Variants in ENAM observed in about 807,000 individuals in gnomAD.
ENAM encodes the protein enamelin, also known as amelogenesis imperfecta 2, hypocalcification (autosomal dominant).
A neutral mutation model predicts 33.6 loss-of-function variants in ENAM; 21 were observed. The observed-to-expected ratio is 0.63, with a 90% CI of 0.44 to 0.90. The LOEUF (loss-of-function observed/expected upper bound fraction) is 0.90, where lower values mean the gene tolerates loss of function less well. Among genes scored for constraint, ENAM ranks in the 40% least tolerant of loss-of-function variants. ENAM has a pLI of 0.00. For synonymous variants in ENAM, 473 were observed against 468.4 expected (o/e 1.01, Z -0.13); for missense variants, 1,388 against 1,366.9 (o/e 1.02, Z -0.24).
In ENAM at chr4:70,643,319, G is replaced by A. The variant is rs143023982; in HGVS notation, c.1893G>A (p.Gly631=). ...GAGATGATTCTCCCAATACTATGGG[G>A]CAAAAAGAAAGTCCACTCTACCCCA... ...DERDDSPNTM[G]QKESPLYPIN... is the part of the protein sequence containing the mutation. Residue 631 remains glycine, a synonymous_variant, in exon 9 of 9, where the codon GGG becomes GGA. Transcript: ENST00000396073. 1.0e-4 allele frequency: 164 copies of A among 1,613,550 alleles called. No individual in the cohort carries two copies. Among genetic ancestry groups the A allele is most frequent in the Non-Finnish European group, 1.2e-4 (145 of 1,179,862 alleles).
chr4:70,637,519 G>C (rs544601850), intron 7 of ENAM: 7 of 464,024 alleles, frequency 1.5e-5, no homozygotes, highest in Non-Finnish European at 2.7e-5. Flanking sequence ...AGGTGGTAAG[G>C]AGGATTGCCA....
chr4:70,634,730 T>G (rs1477252402), intron 6 of ENAM, among the ~76,000 whole-genome samples, 162 bp downstream of exon 6: 1 of 152,200 alleles, frequency 6.6e-6, no homozygotes, highest in Non-Finnish European at 1.5e-5. Flanking sequence ...ACTCCAATCT[T>G]GTTTGGTTGA....
intron 5 of ENAM, among the ~76,000 whole-genome samples, chr4:70,633,454 C>T (rs1738374266): frequency 6.6e-6 from 1 of 152,050 alleles, no homozygotes; most frequent in Non-Finnish European, 1.5e-5. Context: ...GAAATTTTTA[C>T]CAACTTAGTT....
rs1738727812 is a variant in ENAM, at chr4:70,645,207, T to C, written c.*352T>C. 4.5e-6 allele frequency: 2 copies of C among 445,064 alleles called. No individual in the cohort carries two copies. The highest frequency in any genetic ancestry group is 3.3e-5 in the South Asian group (1 of 30,256). 27.6% of individuals were successfully genotyped at this position (445,064 alleles called of 1,614,324 possible). On this transcript the variant is annotated 3_prime_UTR_variant, in exon 9 of 9. Transcript: ENST00000396073. ...ACTTGCAAAATTGGTTTTTCAAGAC[T>C]GAAAGGCAGATTAACTTTCCATTCT...
At chr4:70,640,749 A>G (rs1738576197) in intron 8 of ENAM, among the ~76,000 whole-genome samples, 1 of 152,144 alleles carries the variant, frequency 6.6e-6, no homozygotes, top group Non-Finnish European at 1.5e-5. Context: ...TAGTACTAAT[A>G]CTGGTGGAAC....
At position 70,642,216 on chromosome 4, in the gene ENAM, G is replaced by A. The variant is rs758941328; in HGVS notation, c.790G>A (p.Gly264Arg). Residue 264 changes from glycine (G) to arginine (R), a missense_variant, in exon 9 of 9, where the codon GGA (glycine) becomes AGA (arginine). By Grantham distance (125) the Gly-to-Arg change is moderately radical. Coordinates refer to ENST00000396073, the MANE Select transcript of ENAM (RefSeq NM_031889.3). Reference sequence around the variant, plus strand: ...ACCAAATCCTAAAGGGAGTCAGGGAGGAAATGACACCAGCCCCACAGGAAA... The same window carrying A: ...ACCAAATCCTAAAGGGAGTCAGGGAAGAAATGACACCAGCCCCACAGGAAA... ...TQPNPKGSQG[G>R]NDTSPTGNST... 3 of 1,614,076 alleles carry A rather than the reference G, an allele frequency of 1.9e-6. No individual in the cohort carries two copies. The South Asian group carries it at 3.3e-5, about 18-fold the overall frequency.
intron 7 of ENAM, among the ~76,000 whole-genome samples, chr4:70,637,327 C>G (rs1270636620): frequency 1.3e-5 from 2 of 152,010 alleles, no homozygotes; most frequent in East Asian, 3.9e-4. Context: ...GGAGTTTGTC[C>G]CCCTAAACAT....
intron 2 of ENAM, among the ~76,000 whole-genome samples, chr4:70,630,252 T>C (rs190082966): frequency 6.6e-6 from 1 of 152,288 alleles, no homozygotes; most frequent in East Asian, 1.9e-4. Context: ...ATTATAAAAA[T>C]GCTAAAGCGT....
chr4:70,638,540 C>T (rs1408510311), intron 8 of ENAM, among the ~76,000 whole-genome samples: 1 of 143,960 alleles, frequency 6.9e-6, no homozygotes, highest in Non-Finnish European at 1.5e-5. Context: ...AGCACCACTG[C>T]ACTCCAGCCT....
intron 6 of ENAM, among the ~76,000 whole-genome samples, chr4:70,635,334 G>A (rs1163044253): frequency 2.0e-5 from 3 of 152,142 alleles, no homozygotes; most frequent in Non-Finnish European, 4.4e-5. Flanking sequence ...CCAAGATCAC[G>A]CCACTGCACT....
At position 70,646,155 on chromosome 4, in the gene ENAM, T is replaced by A. The variant is rs1738756593; in HGVS notation, c.*1300T>A. 6.6e-6 allele frequency: 1 copy of A among 151,888 alleles called. No individual in the cohort carries two copies. Among genetic ancestry groups the A allele is most frequent in the African/African-American group, 2.4e-5 (1 of 41,388 alleles). 9.4% of individuals were successfully genotyped at this position (151,888 alleles called of 1,614,324 possible). A position where few individuals can be genotyped will look rare whatever the true frequency, so the allele number is the denominator to read the frequency against. On this transcript the variant is annotated 3_prime_UTR_variant, in exon 9 of 9. Transcript: ENST00000396073. ...TCCATGCAGAATTACTTACAGACAC[T>A]CTTTCTTGGTATCTTGAATAAATTG...
Position 70,643,326 on chromosome 4 carries a change from G to T in ENAM, c.1900G>T (p.Glu634Ter), listed in dbSNP as rs1179022101. 1 of 1,613,886 alleles carries T rather than the reference G, an allele frequency of 6.2e-7. No individual in the cohort carries two copies. Among genetic ancestry groups the T allele is most frequent in the Admixed American group, 1.7e-5 (1 of 59,992 alleles). The change falls in exon 9 of 9, where the codon GAA (glutamate) becomes TAA (stop). Residue 634 changes from glutamate (E) to a stop codon, truncating the protein, a stop_gained. Coordinates refer to ENST00000396073, the MANE Select transcript of ENAM (RefSeq NM_031889.3). LOFTEE classifies it low-confidence loss of function (END_TRUNC). ...DDSPNTMGQK[E>*]SPLYPINTPD... is the part of the protein sequence containing the mutation. ...TTCTCCCAATACTATGGGGCAAAAA[G>T]AAAGTCCACTCTACCCCATAAATAC... is the stretch of plus-strand genomic sequence containing the variant.
At chr4:70,639,464 C>T (rs1480074904) in intron 8 of ENAM, among the ~76,000 whole-genome samples, 2 of 152,002 alleles carry the variant, frequency 1.3e-5, no homozygotes, top group African/African-American at 2.4e-5. Context: ...GTGGTGCTGG[C>T]CTGTAATCCC....
At chr4:70,636,948 A>G (rs1190821358) in intron 7 of ENAM, among the ~76,000 whole-genome samples, 1 of 152,248 alleles carries the variant, frequency 6.6e-6, no homozygotes, top group African/African-American at 2.4e-5. Flanking sequence ...GCTGCTAAAC[A>G]AACAAAACAA....
Position 70,644,826 on chromosome 4 carries a change from G to A in ENAM, c.3400G>A (p.Val1134Ile). 4 of 1,614,010 alleles carry A rather than the reference G, an allele frequency of 2.5e-6. No homozygotes were observed. The highest frequency in any genetic ancestry group is 3.4e-6 in the Non-Finnish European group (4 of 1,179,916). The change falls in exon 9 of 9, where the codon GTA becomes ATA. Residue 1134 changes from valine to isoleucine, a missense_variant. By Grantham distance (29) the Val-to-Ile change is conservative. Coordinates refer to ENST00000396073, the MANE Select transcript of ENAM (RefSeq NM_031889.3). The stretch of plus-strand genomic sequence containing the variant: ...AAGAGGGACCAATGTACAGGACCAG[G>A]TACAAGACTGCTTACTACTTCAGGC... ...LQRGTNVQDQVQDCLLLQA is the reference protein window; with the variant it reads ...LQRGTNVQDQIQDCLLLQA
chr4:70,632,941 G>A (rs1166338216), intron 5 of ENAM, among the ~76,000 whole-genome samples: 1 of 151,990 alleles, frequency 6.6e-6, no homozygotes, highest in Non-Finnish European at 1.5e-5. Flanking sequence ...ATTTGAGACT[G>A]AGTCTCAAAT....
Position 70,631,681 on chromosome 4 carries a change from C to G in ENAM, c.66C>G (p.Gly22=). Residue 22 remains glycine (G), a synonymous_variant, in exon 3 of 9, where the codon GGC becomes GGG. Transcript: ENST00000396073. The part of the protein sequence containing the change: ...FPKLDNLVPK[G]KMKILLVFLG... ...ATTTTTTATTCTAGGTACCAAAAGG[C>G]AAAATGAAGATTCTCCTGGTCTTTC... The G allele has an allele frequency of 6.2e-7, 1 of 1,612,714 alleles. No individual in the cohort carries two copies. Among genetic ancestry groups the G allele is most frequent in the Non-Finnish European group, 8.5e-7 (1 of 1,178,808 alleles).
chr4:70,639,317 G>A (rs370237402), intron 8 of ENAM, among the ~76,000 whole-genome samples: 4 of 152,200 alleles, frequency 2.6e-5, no homozygotes, highest in South Asian at 2.1e-4. Context: ...GGCCAGGCAC[G>A]GGTGGCTCAC....
At position 70,642,719 on chromosome 4, in the gene ENAM, A is replaced by G; in HGVS notation, c.1293A>G (p.Glu431=). The G allele has an allele frequency of 6.2e-7, 1 of 1,605,112 alleles. No homozygotes were observed. Among genetic ancestry groups the G allele is most frequent in the Non-Finnish European group, 8.5e-7 (1 of 1,176,834 alleles). The change falls in exon 9 of 9, where the codon GAA becomes GAG. Residue 431 remains glutamate, a synonymous_variant. Coordinates refer to ENST00000396073, the MANE Select transcript of ENAM (RefSeq NM_031889.3). ...AACCTGGCCCTGTTGTTCGCAATGA[A>G]AAAATCCAAAATCCAAAGGAGAAGC... ...GPKPGPVVRN[E]KIQNPKEKPL...
Sources: gnomAD v4.1 joint callset for allele counts (sites outside exome capture counted in the v4.1 genomes callset) on GRCh38, gnomAD v4.1.1 for gene constraint, MANE v1.5 for transcripts, NCBI Gene and HGNC (gene_info 2026-07-23, HGNC 2026-07-21) for gene names.